The following GREM2 variants were observed in gnomAD, a reference collection of about 807,000 sequenced individuals.
GREM2 encodes the protein gremlin-2.
A neutral mutation model predicts 14.2 loss-of-function variants in GREM2; 11 were observed. The observed-to-expected ratio is 0.78, with a 90% CI of 0.49 to 1.28. The LOEUF (loss-of-function observed/expected upper bound fraction) is 1.28, where lower values mean the gene tolerates loss of function less well. Ranked by LOEUF, GREM2 falls within the 50% of genes most tolerant of loss-of-function variation. The pLI is 0.00. For synonymous variants in GREM2, 98 were observed against 97.6 expected, an observed-to-expected ratio of 1.00 and a Z score of -0.02; for missense variants, 210 against 218.5, an observed-to-expected ratio of 0.96 and a Z score of 0.24.
chr1:240,582,978 T>C (rs1348483385), intron 1 of GREM2, among the ~76,000 whole-genome samples: 1 of 152,220 alleles, frequency 6.6e-6, no homozygotes, highest in Non-Finnish European at 1.5e-5. Context: ...TTAGATTTGC[T>C]TGACTAAAAC....
At chr1:240,496,781 G>A (rs1677427837) in intron 1 of GREM2, among the ~76,000 whole-genome samples, 1 of 152,118 alleles carries the variant, frequency 6.6e-6, no homozygotes, top group African/African-American at 2.4e-5. Flanking sequence ...AGGCCAAGGT[G>A]GGCGGATCCC....
At chr1:240,529,253 T>G (rs1678296615) in intron 1 of GREM2, among the ~76,000 whole-genome samples, 1 of 149,998 alleles carries the variant, frequency 6.7e-6, no homozygotes, top group South Asian at 2.1e-4. Flanking sequence ...TTTTTTTTTT[T>G]TTTTAGCTGC....
intron 1 of GREM2, among the ~76,000 whole-genome samples, chr1:240,516,554 T>A (rs778943901): frequency 2.6e-5 from 4 of 152,162 alleles, no homozygotes; most frequent in Non-Finnish European, 5.9e-5. Flanking sequence ...TTTGGGGGCA[T>A]CTGGGAAGAA....
intron 1 of GREM2, among the ~76,000 whole-genome samples, chr1:240,589,451 A>G (rs941156320): frequency 1.0e-4 from 15 of 150,528 alleles, no homozygotes; most frequent in Admixed American, 7.2e-4. Flanking sequence ...AAAAGAAAAA[A>G]AAAAGAAAAA....
chr1:240,496,990 C>T (rs1204031459), intron 1 of GREM2, among the ~76,000 whole-genome samples: 1 of 151,812 alleles, frequency 6.6e-6, no homozygotes, highest in Non-Finnish European at 1.5e-5. Flanking sequence ...CATTGCACTC[C>T]AGCCTGGGCA....
chr1:240,612,101 C>G lies in GREM2; in HGVS notation c.-219G>C, dbSNP rs967274903. The G allele has an allele frequency of 6.6e-6, 1 of 152,652 alleles. No homozygotes were observed. The highest frequency in any genetic ancestry group is 1.9e-4 in the East Asian group (1 of 5,170). 9.5% of individuals were successfully genotyped at this position (152,652 alleles called of 1,614,324 possible). On this transcript the variant is annotated 5_prime_UTR_variant, in exon 1 of 2. Coordinates refer to ENST00000318160, the MANE Select transcript of GREM2 (RefSeq NM_022469.4). ...AGGCGAGAGCGCGCCCCGCGCCGCGCGGTCCCAGGCTGGCTGCTCCTGCAG... is the reference window on the plus strand; with the variant it reads ...AGGCGAGAGCGCGCCCCGCGCCGCGGGGTCCCAGGCTGGCTGCTCCTGCAG...
chr1:240,512,043 C>T (rs1331206489), intron 1 of GREM2, among the ~76,000 whole-genome samples: 1 of 152,204 alleles, frequency 6.6e-6, no homozygotes, highest in Non-Finnish European at 1.5e-5. Context: ...TCTCTCTGTA[C>T]ACTTGTCAAA....
chr1:240,548,106 T>TA lies in GREM2; in HGVS notation c.-1-54631_-1-54630insT, dbSNP rs1572393589. Among the ~76,000 whole-genome samples, 8 of 111,540 alleles carry TA rather than the reference T, an allele frequency of 7.2e-5. No individual in the cohort carries two copies. The South Asian group carries it at 2.3e-3, about 32-fold the overall frequency. The allele number at this position is 111,540 out of a possible 152,430, so 73.2% of individuals were successfully genotyped here. ...GTGAAACCCCATCTCAACTAAAAAT[T>TA]TAAAAAAAAAAAAAAAAAATTAGCC... is the stretch of plus-strand genomic sequence containing the variant. On this transcript the variant is annotated intron_variant, in intron 1 of 1. Coordinates refer to ENST00000318160, the MANE Select transcript of GREM2 (RefSeq NM_022469.4).
At chr1:240,544,892 A>G (rs1678682886) in intron 1 of GREM2, among the ~76,000 whole-genome samples, 1 of 152,244 alleles carries the variant, frequency 6.6e-6, no homozygotes, top group Non-Finnish European at 1.5e-5. Context: ...TATAGTTCTC[A>G]AAGTTCAAAA....
At chr1:240,524,611 A>T (rs1678181952) in intron 1 of GREM2, among the ~76,000 whole-genome samples, 1 of 152,238 alleles carries the variant, frequency 6.6e-6, no homozygotes, top group Non-Finnish European at 1.5e-5. Flanking sequence ...GGGACCTGAG[A>T]TATAACTGAA....
rs545343749 is a variant in GREM2, at chr1:240,549,410, A to C, written c.-1-55934T>G. Among the ~76,000 whole-genome samples the C allele has an allele frequency of 1.3e-4, 20 of 152,252 alleles. No homozygotes were observed. The South Asian group carries it at 3.9e-3, about 30-fold the overall frequency. On this transcript the variant is annotated intron_variant, in intron 1 of 1. Coordinates refer to ENST00000318160, the MANE Select transcript of GREM2 (RefSeq NM_022469.4). The stretch of plus-strand genomic sequence containing the variant: ...AACAGGAGTAGGGTAAAAATAATAC[A>C]TCAACTAATTGGTTAACCTAAAAAG...
chr1:240,551,923 A>G (rs1448650526), intron 1 of GREM2, among the ~76,000 whole-genome samples: 1 of 152,152 alleles, frequency 6.6e-6, no homozygotes, highest in Non-Finnish European at 1.5e-5. Flanking sequence ...TTTTATAGAA[A>G]GGGAGTGTAA....
intron 1 of GREM2, among the ~76,000 whole-genome samples, chr1:240,582,389 C>A (rs560354872): frequency 6.6e-6 from 1 of 152,054 alleles, no homozygotes; most frequent in Admixed American, 6.5e-5. Flanking sequence ...GAGCCAAGAT[C>A]GTGCCATTGC....
intron 1 of GREM2, among the ~76,000 whole-genome samples, chr1:240,523,085 A>G (rs1678138499): frequency 6.6e-6 from 1 of 152,214 alleles, no homozygotes; most frequent in Admixed American, 6.5e-5. Context: ...CTCAATAGGT[A>G]TGGAATATAA....
At chr1:240,547,604 T>C (rs1420830208) in intron 1 of GREM2, among the ~76,000 whole-genome samples, 1 of 143,116 alleles carries the variant, frequency 7.0e-6, no homozygotes, top group Admixed American at 7.0e-5. Flanking sequence ...GAAGAGGGAG[T>C]AGAGGTGGAG....
chr1:240,574,068 C>G (rs1572405159), intron 1 of GREM2, among the ~76,000 whole-genome samples: 1 of 151,912 alleles, frequency 6.6e-6, no homozygotes, highest in East Asian at 1.9e-4. Flanking sequence ...TTACAGGCAC[C>G]CACCACCATA....
intron 1 of GREM2, among the ~76,000 whole-genome samples, chr1:240,510,157 C>G (rs1677777437): frequency 6.6e-6 from 1 of 151,918 alleles, no homozygotes; most frequent in Non-Finnish European, 1.5e-5. Context: ...ATCACGAGGT[C>G]AGGAGATTGG....
chr1:240,550,993 C>A (rs573265324), intron 1 of GREM2, among the ~76,000 whole-genome samples: 1 of 152,296 alleles, frequency 6.6e-6, no homozygotes, highest in East Asian at 1.9e-4. Flanking sequence ...AAAAAAGAAT[C>A]TTTTATGGCC....
intron 1 of GREM2, among the ~76,000 whole-genome samples, chr1:240,571,431 C>T (rs1479332288): frequency 2.6e-5 from 4 of 152,150 alleles, no homozygotes; most frequent in Non-Finnish European, 5.9e-5. Flanking sequence ...CGGTGGCTCA[C>T]GCCTGTAATC....
Sources: gnomAD v4.1 joint callset for allele counts (sites outside exome capture counted in the v4.1 genomes callset) on GRCh38, gnomAD v4.1.1 for gene constraint, MANE v1.5 for transcripts, NCBI Gene and HGNC (gene_info 2026-07-23, HGNC 2026-07-21) for gene names.